Variants in CATSPERE observed in about 807,000 individuals in gnomAD.
CATSPERE encodes the protein catsper channel auxiliary subunit epsilon, also known as cation channel sperm-associated auxiliary subunit epsilon.
A neutral mutation model predicts 114.1 loss-of-function variants in CATSPERE; 93 were observed. The observed-to-expected ratio is 0.81, with a 90% CI of 0.69 to 0.97. The LOEUF is 0.97. Ranked by LOEUF, CATSPERE falls within the 50% of genes least tolerant of loss-of-function variation. CATSPERE has a pLI of 0.00. For missense variants in CATSPERE, 1,058 were observed against 1,131.6 expected, an observed-to-expected ratio of 0.93 and a Z score of 0.93; for synonymous variants, 341 against 384.1, an observed-to-expected ratio of 0.89 and a Z score of 1.31.
At chr1:244,594,828 C>T (rs370158259) in intron 17 of CATSPERE, among the ~76,000 whole-genome samples, 9 of 152,272 alleles carry the variant, frequency 5.9e-5, no homozygotes, top group Admixed American at 1.3e-4. Context: ...CCCTAACCCT[C>T]GCCCATGGCA....
At chr1:244,469,482 T>G (rs1668121896) in intron 2 of CATSPERE, among the ~76,000 whole-genome samples, 1 of 152,124 alleles carries the variant, frequency 6.6e-6, no homozygotes, top group Non-Finnish European at 1.5e-5. Context: ...CATATTTCAG[T>G]GTGTACCTTT....
intron 7 of CATSPERE, among the ~76,000 whole-genome samples, chr1:244,512,921 T>C (rs373185212): frequency 3.3e-5 from 5 of 152,298 alleles, no homozygotes; most frequent in Admixed American, 6.5e-5. Flanking sequence ...TGGGGCTTTG[T>C]TGGGGACAGG....
chr1:244,560,984 A>G lies in CATSPERE; in HGVS notation c.1346A>G (p.His449Arg), dbSNP rs750779594. The stretch of plus-strand genomic sequence containing the variant: ...CCTATTGACAGTGTTACCATGCCAC[A>G]TTTTACATTTTCAGCACTGCCAGGA... ...DAPIDSVTMPHFTFSALPGLL... is the reference protein window; with the variant it reads ...DAPIDSVTMPRFTFSALPGLL... The change falls in exon 10 of 22, where the codon CAT (histidine) becomes CGT (arginine). Residue 449 changes from histidine (H) to arginine (R), a missense_variant. His to Arg is a conservative substitution (Grantham distance 29, BLOSUM62 0). This residue lies in a region of CATSPERE where 787 missense variants were observed against 905.6 expected (regional missense o/e 0.87). Transcript: ENST00000366534. 6.2e-6 allele frequency: 10 copies of G among 1,614,076 alleles called. No individual in the cohort carries two copies. The East Asian group carries it at 1.3e-4, about 22-fold the overall frequency.
At chr1:244,626,143 T>C (rs2148733349) in intron 20 of CATSPERE, among the ~76,000 whole-genome samples, 1 of 152,212 alleles carries the variant, frequency 6.6e-6, no homozygotes, top group African/African-American at 2.4e-5. Context: ...AGTCAGCCTA[T>C]CCTTTGAAGC....
chr1:244,470,206 T>C (rs946294368), intron 2 of CATSPERE, among the ~76,000 whole-genome samples: 4 of 152,206 alleles, frequency 2.6e-5, no homozygotes, highest in African/African-American at 9.6e-5. Context: ...AATTAAAGTC[T>C]TTTGTGCTTC....
intron 8 of CATSPERE, among the ~76,000 whole-genome samples, chr1:244,546,897 T>C (rs1051326424): frequency 3.3e-5 from 5 of 149,432 alleles, no homozygotes; most frequent in East Asian, 4.0e-4. Flanking sequence ...TAGAGAAATA[T>C]AGTGGGGTAG....
chr1:244,593,138 G>T (rs573341230), intron 15 of CATSPERE, among the ~76,000 whole-genome samples: 1 of 152,298 alleles, frequency 6.6e-6, no homozygotes, highest in South Asian at 2.1e-4. Context: ...GTAAAGCAAG[G>T]TCTGCAGCCT....
intron 5 of CATSPERE, among the ~76,000 whole-genome samples, chr1:244,488,063 CT>C (rs1457781761): frequency 6.6e-6 from 1 of 152,088 alleles, no homozygotes; most frequent in Non-Finnish European, 1.5e-5. Flanking sequence ...TTTCTTCTTT[CT>C]CTGTCTCTCA....
At chr1:244,515,439 A>G in intron 7 of CATSPERE, 1 of 374,922 alleles carries the variant, frequency 2.7e-6, no homozygotes, top group Non-Finnish European at 3.7e-6. Context: ...TGCTTCTCAG[A>G]CAACTGGAAG....
At chr1:244,597,023 T>C (rs567346116) in intron 17 of CATSPERE, among the ~76,000 whole-genome samples, 1 of 152,246 alleles carries the variant, frequency 6.6e-6, no homozygotes, top group South Asian at 2.1e-4. Flanking sequence ...TGTCCCTCCA[T>C]TTGTAAGCTA....
At chr1:244,482,257 A>T (rs1385813723) in intron 5 of CATSPERE, among the ~76,000 whole-genome samples, 2 of 152,172 alleles carry the variant, frequency 1.3e-5, no homozygotes, top group East Asian at 3.9e-4. Context: ...GCTTGAGCCC[A>T]GGGGTTCAAG....
intron 5 of CATSPERE, among the ~76,000 whole-genome samples, chr1:244,481,662 G>T (rs754995114): frequency 1.3e-5 from 2 of 151,940 alleles, no homozygotes; most frequent in East Asian, 1.9e-4. Context: ...CCTAATCCCC[G>T]ATGTGATGGT....
intron 2 of CATSPERE, among the ~76,000 whole-genome samples, chr1:244,466,510 C>T (rs946896817): frequency 2.0e-5 from 3 of 152,084 alleles, no homozygotes; most frequent in Admixed American, 6.5e-5. Context: ...GCCTGGTATT[C>T]GCTTGGAACT....
At chr1:244,610,579 G>A in intron 19 of CATSPERE, 1 of 550,908 alleles carries the variant, frequency 1.8e-6, no homozygotes, top group Non-Finnish European at 3.3e-6. Context: ...TTAAATATGT[G>A]TTAAACATGT....
chr1:244,454,865 G>A, intron 1 of CATSPERE, among the ~76,000 whole-genome samples: 1 of 152,090 alleles, frequency 6.6e-6, no homozygotes, highest in East Asian at 1.9e-4. Flanking sequence ...AGCCGGCTTG[G>A]CAGGCTGGTC....
intron 17 of CATSPERE, among the ~76,000 whole-genome samples, chr1:244,599,101 G>T (rs1276996290): frequency 6.6e-6 from 1 of 152,066 alleles, no homozygotes; most frequent in Non-Finnish European, 1.5e-5. Flanking sequence ...TGTTTTAAAG[G>T]CTTAGAACTA....
In CATSPERE at chr1:244,589,850, T is replaced by C. The variant is rs191953687; in HGVS notation, c.2138+1316T>C. 3.1e-3 allele frequency among the ~76,000 whole-genome samples: 466 copies of C among 152,310 alleles called. 1 individual carries two copies. The highest frequency in any genetic ancestry group is 5.4e-3 in the Non-Finnish European group (364 of 68,020). ...TCAGAATCACTTGGAGAACATGTTT[T>C]GAAAACATGGATTTTAGGACCTTAC... On this transcript the variant is annotated intron_variant, in intron 14 of 21. Transcript: ENST00000366534.
At position 244,523,104 on chromosome 1, in the gene CATSPERE, T is replaced by C. The variant is rs754249208; in HGVS notation, c.536+4406T>C. 8.0e-3 allele frequency among the ~76,000 whole-genome samples: 1,182 copies of C among 147,922 alleles called. 15 individuals are homozygous for C. The highest frequency in any genetic ancestry group is 0.015 in the South Asian group (71 of 4,768). Reference sequence around the variant, plus strand: ...AATCCTCAATAAAATACTGGCAAACTGAATCCAGCAGCACATCAAAAAGCT... The same window carrying C: ...AATCCTCAATAAAATACTGGCAAACCGAATCCAGCAGCACATCAAAAAGCT... On this transcript the variant is annotated intron_variant, in intron 8 of 21. Coordinates refer to ENST00000366534, the MANE Select transcript of CATSPERE (RefSeq NM_001130957.2).
intron 19 of CATSPERE, among the ~76,000 whole-genome samples, chr1:244,611,487 C>A (rs770189949): frequency 4.6e-5 from 7 of 151,760 alleles, no homozygotes; most frequent in Non-Finnish European, 8.8e-5. Flanking sequence ...CCCAGCTACT[C>A]AGGAAGCTGA....
Sources: gnomAD v4.1 joint callset for allele counts (sites outside exome capture counted in the v4.1 genomes callset) on GRCh38, gnomAD v4.1.1 for gene constraint, gnomAD v4.1.1 regional missense constraint, MANE v1.5 for transcripts, NCBI Gene and HGNC (gene_info 2026-07-23, HGNC 2026-07-21) for gene names.